The following TAF1B variants were observed in gnomAD, a reference collection of about 807,000 sequenced individuals.
TAF1B encodes the protein TATA box-binding protein-associated factor RNA polymerase I subunit B.
In TAF1B, 61 loss-of-function variants were observed where a neutral mutation model predicts 83.9. The ratio of observed to expected loss-of-function variants is 0.73; its 90% confidence interval spans 0.59 to 0.90. The LOEUF (loss-of-function observed/expected upper bound fraction) is 0.90. Among genes scored for constraint, TAF1B ranks in the 40% least tolerant of loss-of-function variants. TAF1B has a pLI of 0.00. For missense variants in TAF1B, 625 were observed against 677.0 expected (o/e 0.92, Z 0.85); for synonymous variants, 221 against 224.6 (o/e 0.98, Z 0.14).
At chr2:9,911,930 G>A (rs1376735737) in intron 11 of TAF1B, among the ~76,000 whole-genome samples, 1 of 152,112 alleles carries the variant, frequency 6.6e-6, no homozygotes, top group Non-Finnish European at 1.5e-5. Context: ...CCCAACTCCT[G>A]TTCAGTCCCT....
rs1360759688 is a variant in TAF1B, at chr2:9,845,213, C to T, written c.19-7C>T. On this transcript the variant is annotated splice_polypyrimidine_tract_variant and splice_region_variant and intron_variant, in intron 1 of 14. Coordinates refer to ENST00000263663, the MANE Select transcript of TAF1B (RefSeq NM_005680.3). ...GGGAACACCTTTTCTGTCCTCTTCT[C>T]CCATAGGAAGAGTTTAAAGAACGCT... The T allele has an allele frequency of 8.8e-7, 1 of 1,131,092 alleles. No individual in the cohort carries two copies. Among genetic ancestry groups the T allele is most frequent in the Non-Finnish European group, 1.2e-6 (1 of 838,432 alleles). 70.1% of individuals were successfully genotyped at this position (1,131,092 alleles called of 1,614,324 possible).
intron 9 of TAF1B, among the ~76,000 whole-genome samples, chr2:9,908,415 A>G (rs139563540): frequency 2.8e-4 from 42 of 152,254 alleles, no homozygotes; most frequent in South Asian, 1.7e-3. Context: ...TAATACTAAT[A>G]TGGTTTTGAT....
At chr2:9,887,920 G>A (rs992400725) in intron 8 of TAF1B, among the ~76,000 whole-genome samples, 9 of 151,684 alleles carry the variant, frequency 5.9e-5, no homozygotes, top group East Asian at 1.9e-4. Flanking sequence ...TGGCATGATC[G>A]TAGCTCACTG....
chr2:9,850,108 C>G (rs529767634), intron 3 of TAF1B, among the ~76,000 whole-genome samples: 328 of 151,960 alleles, frequency 2.2e-3, no homozygotes, highest in Non-Finnish European at 3.4e-3. Context: ...CAGTGACTGC[C>G]TAGGTGCTGT....
At chr2:9,918,714 G>C (rs1019221435) in intron 12 of TAF1B, among the ~76,000 whole-genome samples, 4 of 152,206 alleles carry the variant, frequency 2.6e-5, no homozygotes, top group African/African-American at 9.6e-5. Flanking sequence ...TTGTTTCTGA[G>C]GTAGCTTCAC....
intron 8 of TAF1B, among the ~76,000 whole-genome samples, chr2:9,897,738 C>G (rs533162010): frequency 6.6e-6 from 1 of 152,266 alleles, no homozygotes; most frequent in Admixed American, 6.5e-5. Flanking sequence ...TTGATCTGCC[C>G]AGAATCTTCA....
At chr2:9,861,807 G>A (rs1279418944) in intron 5 of TAF1B, among the ~76,000 whole-genome samples, 1 of 152,218 alleles carries the variant, frequency 6.6e-6, no homozygotes, top group Non-Finnish European at 1.5e-5. Context: ...CTGTTCTGCA[G>A]CCACTGCTGC....
intron 14 of TAF1B, among the ~76,000 whole-genome samples, chr2:9,928,142 T>A (rs1382302765): frequency 6.6e-6 from 1 of 152,240 alleles, no homozygotes; most frequent in African/African-American, 2.4e-5. Context: ...ACTTCTTGTT[T>A]TTGTCAGGTT....
intron 8 of TAF1B, among the ~76,000 whole-genome samples, chr2:9,888,864 C>G (rs1199100495): frequency 7.1e-6 from 1 of 140,008 alleles, no homozygotes; most frequent in South Asian, 2.3e-4. Context: ...AGTGCAGTGG[C>G]ATGATCCCGG....
intron 8 of TAF1B, among the ~76,000 whole-genome samples, chr2:9,897,159 C>A (rs1388839562): frequency 6.6e-6 from 1 of 152,110 alleles, no homozygotes; most frequent in Non-Finnish European, 1.5e-5. Context: ...TTCAGGGGCA[C>A]CATCTCTTCA....
chr2:9,860,061 A>C (rs146365861), intron 5 of TAF1B, among the ~76,000 whole-genome samples: 56 of 152,288 alleles, frequency 3.7e-4, no homozygotes, highest in African/African-American at 1.3e-3. Context: ...TGCAGGGGGA[A>C]ATGCCACTTT....
chr2:9,907,433 G>A (rs1465544736), intron 9 of TAF1B, among the ~76,000 whole-genome samples: 1 of 151,896 alleles, frequency 6.6e-6, no homozygotes, highest in Non-Finnish European at 1.5e-5. Flanking sequence ...ACAAAGAGAG[G>A]GTTTAGGGTT....
At chr2:9,846,844 G>A (rs536680361) in intron 2 of TAF1B, among the ~76,000 whole-genome samples, 31 of 152,292 alleles carry the variant, frequency 2.0e-4, no homozygotes, top group African/African-American at 7.5e-4. Context: ...TATATTTTGT[G>A]TGTGTGTCTG....
At chr2:9,873,620 ATTTT>A (rs540990898) in intron 6 of TAF1B, among the ~76,000 whole-genome samples, 2 of 117,602 alleles carry the variant, frequency 1.7e-5, no homozygotes, top group Non-Finnish European at 3.5e-5. Flanking sequence ...ATCAAACTGG[ATTTT>A]TTTTTTTTTT....
chr2:9,847,368 C>T (rs531921684), intron 2 of TAF1B, among the ~76,000 whole-genome samples: 1 of 152,314 alleles, frequency 6.6e-6, no homozygotes, highest in Admixed American at 6.5e-5. Flanking sequence ...GCATGTTCTT[C>T]ACATGGACTG....
intron 5 of TAF1B, among the ~76,000 whole-genome samples, chr2:9,854,921 A>G (rs1015588824): frequency 2.0e-5 from 3 of 152,166 alleles, no homozygotes; most frequent in Non-Finnish European, 4.4e-5. Flanking sequence ...TAAATGTGCC[A>G]TGTAACATTT....
intron 14 of TAF1B, among the ~76,000 whole-genome samples, chr2:9,923,548 G>A (rs1033054674): frequency 3.3e-5 from 5 of 151,890 alleles, no homozygotes; most frequent in African/African-American, 9.7e-5. Context: ...ATGTGGTGGC[G>A]CATGCCTGTA....
intron 7 of TAF1B, among the ~76,000 whole-genome samples, chr2:9,882,252 A>C (rs2125154578): frequency 6.6e-6 from 1 of 152,154 alleles, no homozygotes; most frequent in South Asian, 2.1e-4. Flanking sequence ...AGGCCAAGCC[A>C]CCATGCCTAG....
chr2:9,876,000 C>T lies in TAF1B; in HGVS notation c.689C>T (p.Thr230Ile), dbSNP rs1272527022. 1 of 1,610,710 alleles carries T rather than the reference C, an allele frequency of 6.2e-7. No individual in the cohort carries two copies. Among genetic ancestry groups the T allele is most frequent in the Admixed American group, 1.7e-5 (1 of 60,002 alleles). Residue 230 changes from threonine to isoleucine, a missense_variant, in exon 7 of 15, where the codon ACA becomes ATA. Transcript: ENST00000263663. ...TTACTTTGGCAGAGAGAAGCAATAA[C>T]ACTTTCAGATCTTTTGAGGTTAGCT... ...LSLLWQREAI[T>I]LSDLLRFVEE...
Sources: gnomAD v4.1 joint callset for allele counts (sites outside exome capture counted in the v4.1 genomes callset) on GRCh38, gnomAD v4.1.1 for gene constraint, MANE v1.5 for transcripts, NCBI Gene and HGNC (gene_info 2026-07-23, HGNC 2026-07-21) for gene names.